SETDB2: variants seen among roughly 807,000 people sequenced by gnomAD.
The protein encoded by SETDB2 is SET domain bifurcated histone lysine methyltransferase 2, also known as histone-lysine N-methyltransferase SETDB2.
In SETDB2, 56 loss-of-function variants were observed where a neutral mutation model predicts 82.5. That is an observed-to-expected ratio of 0.68 (90% CI 0.55 to 0.85). The LOEUF is 0.85. Ranked by LOEUF, SETDB2 falls within the 40% of genes least tolerant of loss-of-function variation. The pLI, the probability that SETDB2 is intolerant of heterozygous loss-of-function variation, is 0.00. For missense variants in SETDB2, 677 were observed against 816.4 expected, an observed-to-expected ratio of 0.83 and a Z score of 2.08; for synonymous variants, 272 against 284.9, an observed-to-expected ratio of 0.95 and a Z score of 0.46.
rs1437671692 is a variant in SETDB2 at position 49,444,821 on chromosome 13, C to G, written c.-378C>G. 1 of 152,252 alleles carries G rather than the reference C, an allele frequency of 6.6e-6. No individual in the cohort carries two copies. The highest frequency in any genetic ancestry group is 2.4e-5 in the African/African-American group (1 of 41,428). 9.4% of individuals were successfully genotyped at this position (152,252 alleles called of 1,614,324 possible). ...TGGACAGCAGTATAAAACCCAGAAGCAGAACTTGAAGGTTAAACCACTAGC... is the reference window on the plus strand; with the variant it reads ...TGGACAGCAGTATAAAACCCAGAAGGAGAACTTGAAGGTTAAACCACTAGC... On this transcript the variant is annotated 5_prime_UTR_variant, in exon 1 of 14. Coordinates refer to ENST00000611815, the MANE Select transcript of SETDB2 (RefSeq NM_001160308.3).
At chr13:49,479,820 TGAGA>T (rs1278423218) in intron 6 of SETDB2, among the ~76,000 whole-genome samples, 5 of 152,154 alleles carry the variant, frequency 3.3e-5, no homozygotes, top group African/African-American at 9.6e-5. Flanking sequence ...GTCACTGGAG[TGAGA>T]GAGAACTTAA....
chr13:49,446,300 G>A, intron 1 of SETDB2: 1 of 450,290 alleles, frequency 2.2e-6, no homozygotes, highest in Admixed American at 2.4e-5. Context: ...GCGTGTCAAG[G>A]TTATACTTAT....
chr13:49,455,897 G>A (rs1957872877), intron 2 of SETDB2, among the ~76,000 whole-genome samples: 1 of 151,912 alleles, frequency 6.6e-6, no homozygotes, highest in Admixed American at 6.6e-5. Flanking sequence ...AACTTATGTT[G>A]TTTCATTAAA....
At chr13:49,457,778 T>C (rs1957918873) in intron 2 of SETDB2, among the ~76,000 whole-genome samples, 1 of 152,226 alleles carries the variant, frequency 6.6e-6, no homozygotes, top group Non-Finnish European at 1.5e-5. Context: ...TCTTGATTGT[T>C]GTCTTTCAGC....
At chr13:49,455,969 T>C (rs1182230316) in intron 2 of SETDB2, among the ~76,000 whole-genome samples, 1 of 152,124 alleles carries the variant, frequency 6.6e-6, no homozygotes, top group Non-Finnish European at 1.5e-5. Flanking sequence ...CACTTACTGA[T>C]AGTTTGATGC....
intron 5 of SETDB2, among the ~76,000 whole-genome samples, chr13:49,471,936 T>TATATATA (rs71664753): frequency 2.2e-3 from 210 of 95,786 alleles, no homozygotes; most frequent in Admixed American, 5.8e-3. Context: ...ATATATATAT[T>TATATATA]TTTTTTTTTT....
At position 49,469,429 on chromosome 13, in the gene SETDB2, G is replaced by A. The variant is rs531735395; in HGVS notation, c.305+1469G>A. 6.6e-5 allele frequency among the ~76,000 whole-genome samples: 10 copies of A among 152,250 alleles called. 1 individual carries two copies. The highest frequency in any genetic ancestry group is 3.3e-4 in the Admixed American group (5 of 15,300). Reference sequence around the variant, plus strand: ...GACATTATTCAGACTTATTGAAAACGTTGTCAAAAAAGAAAATTCAGTTAA... The same window carrying A: ...GACATTATTCAGACTTATTGAAAACATTGTCAAAAAAGAAAATTCAGTTAA... On this transcript the variant is annotated intron_variant, in intron 5 of 13. Transcript: ENST00000611815.
rs953850158 is a variant in SETDB2 at position 49,491,759 on chromosome 13, A to G, written c.2034A>G (p.Thr678=). The change falls in exon 14 of 14, where the codon ACA becomes ACG. Residue 678 remains threonine (T), a synonymous_variant. Coordinates refer to ENST00000611815, the MANE Select transcript of SETDB2 (RefSeq NM_001160308.3). Reference sequence around the variant, plus strand: ...ATGTGAAAGCAAGAACAGAGCTAACATGGGATTATGGCTATGAAGCTGGGA... The same window carrying G: ...ATGTGAAAGCAAGAACAGAGCTAACGTGGGATTATGGCTATGAAGCTGGGA... The part of the protein sequence containing the change: ...NRYVKARTEL[T]WDYGYEAGTV... The G allele has an allele frequency of 2.2e-5, 35 of 1,612,624 alleles. No individual in the cohort carries two copies. Among genetic ancestry groups the G allele is most frequent in the Middle Eastern group, 1.8e-4 (1 of 5,556 alleles).
Position 49,488,287 on chromosome 13 carries a change from T to TA in SETDB2, c.1577-2dup, listed in dbSNP as rs1421505500. 2 of 1,573,094 alleles carry TA rather than the reference T, an allele frequency of 1.3e-6. No homozygotes were observed. Among genetic ancestry groups the TA allele is most frequent in the Non-Finnish European group, 1.7e-6 (2 of 1,166,064 alleles). Reference sequence around the variant, plus strand: ...TGATGTTTCCTTCCAAAATGTCTATTAGAGGACTCAAGTTCAAACCATGTT... The same window carrying TA: ...TGATGTTTCCTTCCAAAATGTCTATTAAGAGGACTCAAGTTCAAACCATGTT... On this transcript the variant is annotated splice_region_variant and splice_polypyrimidine_tract_variant and intron_variant, in intron 11 of 13. Transcript: ENST00000611815.
intron 5 of SETDB2, among the ~76,000 whole-genome samples, chr13:49,468,378 A>C (rs1345022567): frequency 6.6e-6 from 1 of 152,100 alleles, no homozygotes; most frequent in Non-Finnish European, 1.5e-5. Context: ...GAATAGACTA[A>C]ATTTTTCTGA....
At position 49,494,039 on chromosome 13, in the gene SETDB2, G is replaced by T. The variant is rs1958760577; in HGVS notation, c.*2190G>T. The stretch of plus-strand genomic sequence containing the variant: ...CTGTTTTCCAGATGTTAGACCTCCA[G>T]AATTTGATCTCTAATTTTCCTATCT... On this transcript the variant is annotated 3_prime_UTR_variant, in exon 14 of 14. Transcript: ENST00000611815. The T allele has an allele frequency of 6.6e-6, 1 of 152,118 alleles. No individual in the cohort carries two copies. 9.4% of individuals were successfully genotyped at this position (152,118 alleles called of 1,614,324 possible).
chr13:49,473,933 A>C (rs543891051), intron 5 of SETDB2, among the ~76,000 whole-genome samples: 2 of 152,326 alleles, frequency 1.3e-5, no homozygotes, highest in South Asian at 4.1e-4. Context: ...GGTTCCAGGT[A>C]CCACCTTTGA....
chr13:49,454,032 A>G lies in SETDB2; in HGVS notation c.16+2123A>G, dbSNP rs190183185. On this transcript the variant is annotated intron_variant, in intron 2 of 13. Coordinates refer to ENST00000611815, the MANE Select transcript of SETDB2 (RefSeq NM_001160308.3). ...ATTTTAGTCTCCTCACCTTATCTGT[A>G]TGCTCCCACTCCAGTAGTAAAAAAC... 2.5e-4 allele frequency among the ~76,000 whole-genome samples: 38 copies of G among 152,244 alleles called. No homozygotes were observed. The East Asian group carries it at 7.3e-3, about 29-fold the overall frequency.
At chr13:49,470,966 C>CTTTCTTTTTTTTTTTTTTTTTTT (rs10695231) in intron 5 of SETDB2, among the ~76,000 whole-genome samples, 5 of 80,486 alleles carry the variant, frequency 6.2e-5, no homozygotes, top group Admixed American at 1.6e-4. Context: ...TTCTTTCTTT[C>CTTTCTTTTTTTTTTTTTTTTTTT]TTTTTTTTTT....
At chr13:49,461,644 C>T (rs1957994769) in intron 4 of SETDB2, among the ~76,000 whole-genome samples, 1 of 152,206 alleles carries the variant, frequency 6.6e-6, no homozygotes, top group Non-Finnish European at 1.5e-5. Flanking sequence ...CACAAAGCTT[C>T]TGACACCAAA....
chr13:49,466,179 A>C (rs2138882995), intron 4 of SETDB2, among the ~76,000 whole-genome samples: 1 of 152,278 alleles, frequency 6.6e-6, no homozygotes, highest in South Asian at 2.1e-4. Flanking sequence ...CAGGCCTATA[A>C]TCCCAGAACC....
chr13:49,491,628 A>G (rs892821871), intron 13 of SETDB2, 104 bp from the exon 14 acceptor site: 2 of 771,908 alleles, frequency 2.6e-6, no homozygotes, highest in African/African-American at 1.7e-5. Context: ...AGAACAGATC[A>G]TATTTTTGAG....
intron 5 of SETDB2, among the ~76,000 whole-genome samples, chr13:49,473,798 GA>G (rs1958297938): frequency 2.6e-5 from 4 of 152,090 alleles, no homozygotes; most frequent in Non-Finnish European, 5.9e-5. Flanking sequence ...CTGAATGAAA[GA>G]AAATAGGGTG....
At chr13:49,449,782 T>C (rs553756691) in intron 1 of SETDB2, among the ~76,000 whole-genome samples, 130 of 152,206 alleles carry the variant, frequency 8.5e-4, no homozygotes, top group Non-Finnish European at 1.5e-3. Flanking sequence ...TTTCTTTCAT[T>C]TGTTATTAAA....
Sources: allele counts gnomAD v4.1 joint callset (sites outside exome capture counted in the v4.1 genomes callset), GRCh38; gene constraint gnomAD v4.1.1; transcripts MANE v1.5; gene names NCBI Gene and HGNC (gene_info 2026-07-23, HGNC 2026-07-21).